Variants in EEA1 observed in about 807,000 individuals in gnomAD.
EEA1 encodes the protein early endosome antigen 1, 162kD.
EEA1 carries 111 observed loss-of-function variants against 209.2 expected under a neutral mutation model. The ratio of observed to expected loss-of-function variants is 0.53; its 90% CI spans 0.45 to 0.62. The LOEUF is 0.62. Ranked by LOEUF, EEA1 falls within the 20% of genes least tolerant of loss-of-function variation. The pLI is 0.00. For missense variants in EEA1, 1,343 were observed against 1,530.8 expected (o/e 0.88, Z 2.05); for synonymous variants, 536 against 540.6 (o/e 0.99, Z 0.12).
intron 2 of EEA1, among the ~76,000 whole-genome samples, chr12:92,873,649 A>G (rs896806687): frequency 6.6e-6 from 1 of 152,230 alleles, no homozygotes; most frequent in Non-Finnish European, 1.5e-5. Context: ...GGGAAGCAAG[A>G]CAGGGTAGCA....
chr12:92,897,624 T>C (rs1338965008), intron 1 of EEA1, among the ~76,000 whole-genome samples: 1 of 152,188 alleles, frequency 6.6e-6, no homozygotes, highest in African/African-American at 2.4e-5. Flanking sequence ...CTTTCTTTGC[T>C]TTGCTGGGCG....
chr12:92,906,929 G>A (rs1880407588), intron 1 of EEA1, among the ~76,000 whole-genome samples: 1 of 152,116 alleles, frequency 6.6e-6, no homozygotes, highest in Non-Finnish European at 1.5e-5. Flanking sequence ...AGTTTGAAAA[G>A]CCATTTACTA....
chr12:92,888,948 G>A (rs981032094), intron 2 of EEA1, among the ~76,000 whole-genome samples: 38 of 151,994 alleles, frequency 2.5e-4, no homozygotes, highest in Non-Finnish European at 5.3e-4. Flanking sequence ...TCAGAAGTTC[G>A]AGACTAGCCT....
intron 2 of EEA1, among the ~76,000 whole-genome samples, chr12:92,866,576 C>T (rs1878406269): frequency 6.6e-6 from 1 of 152,042 alleles, no homozygotes; most frequent in African/African-American, 2.4e-5. Context: ...GATCACTGTT[C>T]CCCAGGGCTC....
chr12:92,840,044 A>C (rs1237371721), intron 10 of EEA1, among the ~76,000 whole-genome samples: 1 of 152,336 alleles, frequency 6.6e-6, no homozygotes, highest in East Asian at 1.9e-4. Flanking sequence ...ATCTACTTTC[A>C]AGCTCATACA....
chr12:92,902,449 A>G (rs1880187081), intron 1 of EEA1, among the ~76,000 whole-genome samples: 1 of 152,188 alleles, frequency 6.6e-6, no homozygotes, highest in South Asian at 2.1e-4. Flanking sequence ...CTCTTTAAAA[A>G]GCTGTAAATC....
At position 92,779,241 on chromosome 12, in the gene EEA1, T is replaced by G; in HGVS notation, c.3528A>C (p.Gln1176His). 6.2e-7 allele frequency: 1 copy of G among 1,610,024 alleles called. No individual in the cohort carries two copies. The highest frequency in any genetic ancestry group is 8.5e-7 in the Non-Finnish European group (1 of 1,178,832). The change falls in exon 25 of 29, where the codon CAA (glutamine) becomes CAC (histidine). Residue 1176 changes from glutamine (Q) to histidine (H), a missense_variant. Gln to His is a conservative substitution (Grantham distance 24). Coordinates refer to ENST00000322349, the MANE Select transcript of EEA1 (RefSeq NM_003566.4). ...CTGCCTTCAGGGAGTCCGCTTTTCCTTGAAGTTCTAATTTCTGCTGAATTA... is the reference window on the plus strand; with the variant it reads ...CTGCCTTCAGGGAGTCCGCTTTTCCGTGAAGTTCTAATTTCTGCTGAATTA... ...QLLIQQKLEL[Q>H]GKADSLKAAV...
chr12:92,812,831 C>A, intron 16 of EEA1, 149 bp downstream of exon 16: 2 of 481,624 alleles, frequency 4.2e-6, no homozygotes, highest in South Asian at 4.3e-5. Context: ...CCCACTTTTA[C>A]TACTCAACTG....
intron 13 of EEA1, among the ~76,000 whole-genome samples, chr12:92,821,689 A>G (rs1876058527): frequency 2.0e-5 from 3 of 151,960 alleles, no homozygotes; most frequent in Non-Finnish European, 4.4e-5. Context: ...AAGATTCCAT[A>G]TTATCTCTAC....
intron 2 of EEA1, among the ~76,000 whole-genome samples, chr12:92,883,437 G>T (rs1879245254): frequency 6.6e-6 from 1 of 152,022 alleles, no homozygotes; most frequent in African/African-American, 2.4e-5. Flanking sequence ...GTCAATTTTT[G>T]ATTTTGTTGC....
chr12:92,921,887 GAAAA>G (rs1238072239), intron 1 of EEA1, among the ~76,000 whole-genome samples: 2 of 93,388 alleles, frequency 2.1e-5, no homozygotes, highest in African/African-American at 8.1e-5. Flanking sequence ...AAAAAAAAAA[GAAAA>G]AAAGAAAAGA....
chr12:92,883,375 C>T (rs1191164689), intron 2 of EEA1, among the ~76,000 whole-genome samples: 1 of 152,208 alleles, frequency 6.6e-6, no homozygotes, highest in African/African-American at 2.4e-5. Context: ...TATCTCTTAA[C>T]TCTGTCGATA....
intron 16 of EEA1, 84 bp downstream of exon 16, chr12:92,812,896 A>G: frequency 1.1e-6 from 1 of 900,764 alleles, no homozygotes; most frequent in Non-Finnish European, 1.6e-6. Flanking sequence ...ATTATACAAA[A>G]CTGGGTATCA....
intron 15 of EEA1, 103 bp downstream of exon 15, chr12:92,816,097 T>G (rs569815181): frequency 1.9e-6 from 2 of 1,046,090 alleles, no homozygotes; most frequent in East Asian, 5.3e-5. Context: ...TTATTTCAAA[T>G]TTTTTTCAAT....
chr12:92,921,155 T>A (rs1880973762), intron 1 of EEA1, among the ~76,000 whole-genome samples: 1 of 150,786 alleles, frequency 6.6e-6, no homozygotes, highest in Non-Finnish European at 1.5e-5. Context: ...TTGGTGGGAC[T>A]GTAAACTAGT....
chr12:92,929,172 G>C lies in EEA1; in HGVS notation c.-106C>G, dbSNP rs1592785441. 8.1e-7 allele frequency: 1 copy of C among 1,227,470 alleles called. No homozygotes were observed. Among genetic ancestry groups the C allele is most frequent in the Non-Finnish European group, 1.1e-6 (1 of 880,284 alleles). 76.0% of individuals were successfully genotyped at this position (1,227,470 alleles called of 1,614,324 possible). ...GGAGGGACTGGGCCGGGAGGGGACC[G>C]GGAAGGAGGTCGGGGCGAGGCGGTG... On this transcript the variant is annotated 5_prime_UTR_variant, in exon 1 of 29. Transcript: ENST00000322349.
intron 21 of EEA1, among the ~76,000 whole-genome samples, chr12:92,792,761 A>G (rs1874469675): frequency 6.6e-6 from 1 of 152,208 alleles, no homozygotes; most frequent in African/African-American, 2.4e-5. Context: ...AAAAGAGGGA[A>G]TCCTTCCTAA....
chr12:92,788,958 T>C (rs1874262143), intron 21 of EEA1, among the ~76,000 whole-genome samples: 1 of 152,172 alleles, frequency 6.6e-6, no homozygotes, highest in African/African-American at 2.4e-5. Context: ...CAGAGTTCTA[T>C]TGCTGGCCCT....
intron 9 of EEA1, among the ~76,000 whole-genome samples, chr12:92,850,208 C>T (rs1054351299): frequency 1.3e-5 from 2 of 152,076 alleles, no homozygotes; most frequent in East Asian, 1.9e-4. Context: ...CCAGAACCAG[C>T]GCATGTAAAT....
Sources: gnomAD v4.1 joint callset for allele counts (sites outside exome capture counted in the v4.1 genomes callset) on GRCh38, gnomAD v4.1.1 for gene constraint, MANE v1.5 for transcripts, NCBI Gene and HGNC (gene_info 2026-07-23, HGNC 2026-07-21) for gene names.